Variants in MAP4K3 observed in about 807,000 individuals in gnomAD.
MAP4K3 encodes the protein mitogen-activated protein kinase kinase kinase kinase 3, also known as MAPK/ERK kinase kinase kinase 3.
MAP4K3 carries 94 observed loss-of-function variants against 143.5 expected under a neutral mutation model. The observed-to-expected ratio is 0.65, with a 90% CI of 0.55 to 0.78. The LOEUF (loss-of-function observed/expected upper bound fraction) is 0.78. Ranked by LOEUF, MAP4K3 falls within the 30% of genes least tolerant of loss-of-function variation. MAP4K3 has a pLI of 0.00. For missense variants in MAP4K3, 1,077 were observed against 1,068.1 expected, an observed-to-expected ratio of 1.01 and a Z score of -0.12; for synonymous variants, 416 against 347.2, an observed-to-expected ratio of 1.20 and a Z score of -2.20.
chr2:39,340,553 G>C (rs1378527763), intron 4 of MAP4K3, among the ~76,000 whole-genome samples: 2 of 152,150 alleles, frequency 1.3e-5, no homozygotes, highest in Admixed American at 1.3e-4. Flanking sequence ...GGAATGGTAA[G>C]AATCATGACA....
chr2:39,374,751 G>A (rs1666173715), intron 2 of MAP4K3, among the ~76,000 whole-genome samples: 2 of 152,002 alleles, frequency 1.3e-5, no homozygotes, highest in South Asian at 4.2e-4. Flanking sequence ...AAGATGAGAA[G>A]CAACAGTCAG....
chr2:39,430,572 T>A (rs914885601), intron 1 of MAP4K3, among the ~76,000 whole-genome samples: 1 of 151,806 alleles, frequency 6.6e-6, no homozygotes, highest in Non-Finnish European at 1.5e-5. Flanking sequence ...GAATCGAAGG[T>A]TTTTTTTGTA....
intron 1 of MAP4K3, among the ~76,000 whole-genome samples, chr2:39,424,979 A>G (rs1440329810): frequency 6.6e-6 from 1 of 152,194 alleles, no homozygotes; most frequent in African/African-American, 2.4e-5. Context: ...TGTATTATCT[A>G]TAAGATGTGG....
intron 31 of MAP4K3, among the ~76,000 whole-genome samples, chr2:39,256,776 G>T (rs901509391): frequency 1.6e-4 from 24 of 152,130 alleles, no homozygotes; most frequent in African/African-American, 5.8e-4. Context: ...ACAGGATAGG[G>T]ATTATCTCTT....
chr2:39,359,735 C>G (rs1381396453), intron 2 of MAP4K3, among the ~76,000 whole-genome samples: 4 of 152,258 alleles, frequency 2.6e-5, no homozygotes, highest in Non-Finnish European at 5.9e-5. Context: ...AGCTCAATAC[C>G]ACGTGGAAGC....
intron 12 of MAP4K3, among the ~76,000 whole-genome samples, chr2:39,321,989 C>A (rs1482572356): frequency 6.6e-6 from 1 of 152,198 alleles, no homozygotes; most frequent in East Asian, 1.9e-4. Flanking sequence ...CTGGCGGGAT[C>A]CTCCATATGT....
At chr2:39,285,065 T>C (rs1681711080) in intron 21 of MAP4K3, among the ~76,000 whole-genome samples, 1 of 151,874 alleles carries the variant, frequency 6.6e-6, no homozygotes, top group South Asian at 2.1e-4. Context: ...GCTAAATTTT[T>C]ATTTTTTGTA....
At chr2:39,315,517 ATTT>A in intron 12 of MAP4K3, 129 bp from the exon 13 acceptor site, 16 of 419,316 alleles carry the variant, frequency 3.8e-5, no homozygotes, top group East Asian at 1.6e-4. Flanking sequence ...CACTTTGCAA[ATTT>A]TTTTTTTTTA....
chr2:39,384,524 T>C (rs189602467), intron 1 of MAP4K3, among the ~76,000 whole-genome samples: 2 of 152,224 alleles, frequency 1.3e-5, no homozygotes. Flanking sequence ...CCAGCCTGGG[T>C]AACAAGAGCA....
In MAP4K3 at chr2:39,279,443, T is replaced by C. The variant is rs530242990; in HGVS notation, c.1714+829A>G. On this transcript the variant is annotated intron_variant, in intron 23 of 33. Coordinates refer to ENST00000263881, the MANE Select transcript of MAP4K3 (RefSeq NM_003618.4). ...CATATTTAATGAGTGTATGTGTATG[T>C]ATATAAAAATGTTCACGTATAAATG... is the stretch of plus-strand genomic sequence containing the variant. Among the ~76,000 whole-genome samples, 14 of 152,306 alleles carry C rather than the reference T, an allele frequency of 9.2e-5. No individual in the cohort carries two copies. In the South Asian group the frequency reaches 2.7e-3, roughly 29 times the overall value.
intron 1 of MAP4K3, among the ~76,000 whole-genome samples, chr2:39,421,308 A>C (rs886702843): frequency 1.3e-5 from 2 of 152,024 alleles, no homozygotes; most frequent in Non-Finnish European, 2.9e-5. Context: ...TGGAAGTAAG[A>C]CTGCCTGAAT....
rs1212946267 is a variant in MAP4K3, at chr2:39,412,348, A to C, written c.96+24544T>G. ...ATTAATGTCGTCCCCCAAAATATTT[A>C]CTGACCTTCTATTGTAGTCCATCTA... On this transcript the variant is annotated intron_variant, in intron 1 of 33. Transcript: ENST00000263881. Among the ~76,000 whole-genome samples the C allele has an allele frequency of 2.6e-5, 4 of 152,176 alleles. 1 individual carries two copies. The highest frequency in any genetic ancestry group is 2.6e-4 in the Admixed American group (4 of 15,274).
chr2:39,299,854 G>T (rs920807913), intron 15 of MAP4K3, 53 bp from the exon 16 acceptor site: 13 of 810,752 alleles, frequency 1.6e-5, no homozygotes, highest in Admixed American at 1.1e-4. Flanking sequence ...GACACACCAT[G>T]ATACATTAAT....
chr2:39,273,472 G>C (rs1681120067), intron 24 of MAP4K3, among the ~76,000 whole-genome samples: 1 of 152,080 alleles, frequency 6.6e-6, no homozygotes, highest in Non-Finnish European at 1.5e-5. Context: ...GGTTTGCTCT[G>C]GCAATTCCTA....
chr2:39,318,837 T>C (rs1683204038), intron 12 of MAP4K3, among the ~76,000 whole-genome samples: 1 of 152,172 alleles, frequency 6.6e-6, no homozygotes, highest in South Asian at 2.1e-4. Flanking sequence ...AACAGGCCCT[T>C]TGCAATGGGA....
At chr2:39,306,252 A>G (rs1682703675) in intron 15 of MAP4K3, among the ~76,000 whole-genome samples, 3 of 152,238 alleles carry the variant, frequency 2.0e-5, no homozygotes, top group Non-Finnish European at 4.4e-5. Flanking sequence ...TCTGCAATAA[A>G]TTTCACTAAT....
chr2:39,430,862 C>T (rs183304891), intron 1 of MAP4K3, among the ~76,000 whole-genome samples: 1 of 152,116 alleles, frequency 6.6e-6, no homozygotes, highest in Non-Finnish European at 1.5e-5. Context: ...TAAGTCAAGC[C>T]CAATGCCACC....
chr2:39,340,960 C>G (rs1665122209), intron 4 of MAP4K3, among the ~76,000 whole-genome samples: 2 of 152,034 alleles, frequency 1.3e-5, no homozygotes, highest in Admixed American at 1.3e-4. Context: ...TACTGTACAT[C>G]TAACTAAGAT....
intron 1 of MAP4K3, among the ~76,000 whole-genome samples, chr2:39,398,123 A>T (rs1236725609): frequency 2.0e-5 from 3 of 152,116 alleles, no homozygotes; most frequent in Non-Finnish European, 2.9e-5. Flanking sequence ...CCTAGCAAAC[A>T]CCCTTCTAGG....
Sources: gnomAD v4.1 joint callset for allele counts (sites outside exome capture counted in the v4.1 genomes callset) on GRCh38, gnomAD v4.1.1 for gene constraint, MANE v1.5 for transcripts, NCBI Gene and HGNC (gene_info 2026-07-23, HGNC 2026-07-21) for gene names.